EXD3: variants seen among roughly 807,000 people sequenced by gnomAD.
The protein encoded by EXD3 is exonuclease mut-7 homolog.
Under a neutral mutation model 98.0 loss-of-function variants are expected in EXD3, and 92 were observed. That is an observed-to-expected ratio of 0.94 (90% CI 0.79 to 1.12). EXD3 has a LOEUF of 1.12. Ranked by LOEUF, EXD3 falls within the 50% of genes most tolerant of loss-of-function variation. The probability of loss-of-function intolerance (pLI) is 0.00; values close to 1 mark genes in which losing one functional copy is unlikely to be tolerated. For missense variants in EXD3, 1,222 were observed against 1,191.6 expected, an observed-to-expected ratio of 1.03 and a Z score of -0.38; for synonymous variants, 569 against 526.0, an observed-to-expected ratio of 1.08 and a Z score of -1.12.
At chr9:137,333,600 T>C (rs1833207619) in intron 17 of EXD3, among the ~76,000 whole-genome samples, 1 of 152,130 alleles carries the variant, frequency 6.6e-6, no homozygotes, top group Admixed American at 6.6e-5. Context: ...CTGTCCCCCT[T>C]GGTCCTGTCC....
chr9:137,371,797 G>A lies in EXD3; in HGVS notation c.462+1108C>T, dbSNP rs1412338046. Among the ~76,000 whole-genome samples, 4 of 151,800 alleles carry A rather than the reference G, an allele frequency of 2.6e-5. No individual in the cohort carries two copies. Among genetic ancestry groups the A allele is most frequent in the African/African-American group, 7.3e-5 (3 of 41,328 alleles). On this transcript the variant is annotated intron_variant, in intron 5 of 21. Coordinates refer to ENST00000340951, the MANE Select transcript of EXD3 (RefSeq NM_017820.5). This position sits in a 1 kb window ranked among gnomAD's most constrained non-coding sequence, Gnocchi z 8.0. ...CAGGACACCCCCGGGCTTCTTTGCC[G>A]CACCTCGTGCTGCACCCTAGAATCT...
In EXD3 at chr9:137,395,316, C is replaced by T; in HGVS notation, c.42G>A (p.Glu14=). 1 of 1,613,476 alleles carries T rather than the reference C, an allele frequency of 6.2e-7. No individual in the cohort carries two copies. Among genetic ancestry groups the T allele is most frequent in the South Asian group, 1.1e-5 (1 of 91,082 alleles). ...GCTCAGACTCACCCATGCGGTGGCG[C>T]TCGCCAGCGGCAGGGTCACCAGCGG... ...GDPAGDPAAG[E]RHRMGRDPLL... The change falls in exon 2 of 22, where the codon GAG becomes GAA. Residue 14 remains glutamate (E), a synonymous_variant. Coordinates refer to ENST00000340951, the MANE Select transcript of EXD3 (RefSeq NM_017820.5). The surrounding 1 kb of genome is among the most constrained non-coding windows in gnomAD (Gnocchi z 6.5).
chr9:137,309,222 T>TG (rs996848286), intron 20 of EXD3, among the ~76,000 whole-genome samples: 1 of 152,218 alleles, frequency 6.6e-6, no homozygotes, highest in African/African-American at 2.4e-5. Context: ...GGGCCTTCCC[T>TG]GGGGGGGTGG....
chr9:137,354,218 G>A, intron 10 of EXD3, 121 bp downstream of exon 10: 1 of 1,495,260 alleles, frequency 6.7e-7, no homozygotes, highest in Non-Finnish European at 9.0e-7. Context: ...TGGGGTCTGG[G>A]CTCAGCAGCC....
At chr9:137,391,044 T>C (rs1027608603) in intron 2 of EXD3, among the ~76,000 whole-genome samples, 1 of 151,806 alleles carries the variant, frequency 6.6e-6, no homozygotes, top group Non-Finnish European at 1.5e-5. Flanking sequence ...GGGGCGGGGG[T>C]GGCCTGCTCG....
chr9:137,397,479 A>T (rs926404686), intron 1 of EXD3, among the ~76,000 whole-genome samples: 1 of 152,226 alleles, frequency 6.6e-6, no homozygotes, highest in Non-Finnish European at 1.5e-5. Flanking sequence ...CACAATGGAT[A>T]ATTCACGAAA....
Position 137,347,975 on chromosome 9 carries a change from G to A in EXD3, c.1998+96C>T, listed in dbSNP as rs1834019699. 7.3e-7 allele frequency: 1 copy of A among 1,374,592 alleles called. No individual in the cohort carries two copies. The highest frequency in any genetic ancestry group is 9.8e-7 in the Non-Finnish European group (1 of 1,020,048). 85.1% of individuals were successfully genotyped at this position (1,374,592 alleles called of 1,614,324 possible). Reference sequence around the variant, plus strand: ...CCTGGCACAGCTGGCAGCCATGGATGAGCTGGAGGGAGGAGTTTGATGCTA... The same window carrying A: ...CCTGGCACAGCTGGCAGCCATGGATAAGCTGGAGGGAGGAGTTTGATGCTA... On this transcript the variant is annotated intron_variant, in intron 17 of 21. Coordinates refer to ENST00000340951, the MANE Select transcript of EXD3 (RefSeq NM_017820.5). The surrounding 1 kb of genome is among the most constrained non-coding windows in gnomAD (Gnocchi z 4.2).
intron 7 of EXD3, among the ~76,000 whole-genome samples, chr9:137,358,488 A>C (rs1012254144): frequency 6.6e-6 from 1 of 152,126 alleles, no homozygotes; most frequent in Non-Finnish European, 1.5e-5. Flanking sequence ...TCCGAAGCCA[A>C]CTGGCTCCTT....
In EXD3 at chr9:137,349,641, C is replaced by A; in HGVS notation, c.1495-110G>T. The A allele has an allele frequency of 3.5e-6, 4 of 1,147,464 alleles. No individual in the cohort carries two copies. Among genetic ancestry groups the A allele is most frequent in the Non-Finnish European group, 3.5e-6 (3 of 852,806 alleles). The allele number at this position is 1,147,464 out of a possible 1,614,324, so 71.1% of individuals were successfully genotyped here. A position where few individuals can be genotyped will look rare whatever the true frequency, so the allele number is the denominator to read the frequency against. On this transcript the variant is annotated intron_variant, in intron 14 of 21. Transcript: ENST00000340951. The surrounding 1 kb of genome is among the most constrained non-coding windows in gnomAD (Gnocchi z 7.4). ...GGCTCTGGAGGAGGCCCCGCCCCCT[C>A]CACCAGCGGCCCCCACAGCAGAGAC...
chr9:137,352,833 C>T (rs1166849784), intron 10 of EXD3, 47 bp from the exon 11 acceptor site: 1 of 1,546,792 alleles, frequency 6.5e-7, no homozygotes, highest in Admixed American at 2.1e-5. Context: ...CATTGCTGTG[C>T]CACAGGGCCC....
At chr9:137,327,621 T>C (rs75549983) in intron 17 of EXD3, among the ~76,000 whole-genome samples, 2,961 of 151,488 alleles carry the variant, frequency 0.02, 102 homozygotes, top group East Asian at 0.15. Flanking sequence ...TACTTCGTGG[T>C]AATAACAAAT....
Position 137,392,688 on chromosome 9 carries a change from T to TGCTGTGTCTGTTCTGGGGGG in EXD3, c.55+2595_55+2614dup, listed in dbSNP as rs1588412981. 1.0e-5 allele frequency: 3 copies of TGCTGTGTCTGTTCTGGGGGG among 287,300 alleles called. No individual in the cohort carries two copies. In the East Asian group the frequency reaches 2.8e-4, roughly 27 times the overall value. The allele number at this position is 287,300 out of a possible 1,614,324, so 17.8% of individuals were successfully genotyped here. On this transcript the variant is annotated intron_variant, in intron 2 of 21. Coordinates refer to ENST00000340951, the MANE Select transcript of EXD3 (RefSeq NM_017820.5). ...GGAAGCGCCAGGCTGTTCCAGGGGG[T>TGCTGTGTCTGTTCTGGGGGG]GCTGTGTCTGTTCTGGGGGGGCTGT...
chr9:137,326,712 T>G (rs1244512524), intron 17 of EXD3, among the ~76,000 whole-genome samples: 1 of 151,950 alleles, frequency 6.6e-6, no homozygotes, highest in Non-Finnish European at 1.5e-5. Flanking sequence ...TAAATGTTGG[T>G]GGGATGTGGA....
intron 7 of EXD3, among the ~76,000 whole-genome samples, chr9:137,364,872 T>C (rs1305056072): frequency 6.7e-6 from 1 of 150,316 alleles, no homozygotes; most frequent in East Asian, 2.0e-4. Flanking sequence ...GGGTTCACGC[T>C]ATTCTCCTGC....
intron 10 of EXD3, chr9:137,353,935 T>A (rs1834456538): frequency 9.7e-7 from 1 of 1,031,578 alleles, no homozygotes; most frequent in South Asian, 4.6e-5. Context: ...CTTCAGGACG[T>A]CCGCTGCCCT....
intron 17 of EXD3, among the ~76,000 whole-genome samples, chr9:137,344,962 G>C (rs1277112918): frequency 6.6e-6 from 1 of 151,612 alleles, no homozygotes; most frequent in Non-Finnish European, 1.5e-5. Context: ...CCACTGTCTG[G>C]AGATCTCCTC....
chr9:137,325,376 C>A (rs1458049447), intron 17 of EXD3, among the ~76,000 whole-genome samples: 1 of 152,116 alleles, frequency 6.6e-6, no homozygotes, highest in Non-Finnish European at 1.5e-5. Context: ...GGAACAGGTG[C>A]GGAGGAGGAC....
At chr9:137,313,899 G>A (rs892751250) in intron 19 of EXD3, among the ~76,000 whole-genome samples, 1 of 152,202 alleles carries the variant, frequency 6.6e-6, no homozygotes, top group African/African-American at 2.4e-5. Flanking sequence ...AGGGTGCCCA[G>A]CACCTTCCCT....
At chr9:137,380,342 C>T (rs1241654854) in intron 3 of EXD3, among the ~76,000 whole-genome samples, 4 of 112,008 alleles carry the variant, frequency 3.6e-5, no homozygotes, top group Non-Finnish European at 7.5e-5. Context: ...TATCCCCCCC[C>T]ACCCCAACCC....
Sources: gnomAD v4.1 joint callset for allele counts (sites outside exome capture counted in the v4.1 genomes callset) on GRCh38, gnomAD v4.1.1 for gene constraint, Gnocchi (gnomAD v3.1) non-coding constraint, MANE v1.5 for transcripts, NCBI Gene and HGNC (gene_info 2026-07-23, HGNC 2026-07-21) for gene names.